CNTN3: variants seen among roughly 807,000 people sequenced by gnomAD.
CNTN3 encodes the protein contactin-3.
A neutral mutation model predicts 119.1 loss-of-function variants in CNTN3; 60 were observed. That is an observed-to-expected ratio of 0.50 (90% CI 0.41 to 0.62). The LOEUF (loss-of-function observed/expected upper bound fraction) is 0.62, where lower values mean the gene tolerates loss of function less well. Among genes scored for constraint, CNTN3 ranks in the 20% least tolerant of loss-of-function variants. CNTN3 has a pLI of 0.00. For synonymous variants in CNTN3, 450 were observed against 438.7 expected, an observed-to-expected ratio of 1.03 and a Z score of -0.32; for missense variants, 1,101 against 1,242.4, an observed-to-expected ratio of 0.89 and a Z score of 1.71.
intron 5 of CNTN3, among the ~76,000 whole-genome samples, chr3:74,405,547 T>C (rs1159077070): frequency 6.6e-6 from 1 of 152,084 alleles, no homozygotes; most frequent in Non-Finnish European, 1.5e-5. Flanking sequence ...ATTATCAATA[T>C]CATTATTCCA....
chr3:74,599,094 C>A (rs1034591862), intron 1 of CNTN3, among the ~76,000 whole-genome samples: 1 of 151,976 alleles, frequency 6.6e-6, no homozygotes, highest in Non-Finnish European at 1.5e-5. Context: ...TTGAGTGATG[C>A]TAAAAATCTG....
At chr3:74,520,310 C>T (rs1406283482) in intron 2 of CNTN3, among the ~76,000 whole-genome samples, 1 of 151,138 alleles carries the variant, frequency 6.6e-6, no homozygotes. Flanking sequence ...ACAATAGCTA[C>T]ATCTCAATAA....
intron 5 of CNTN3, among the ~76,000 whole-genome samples, 191 bp downstream of exon 5, chr3:74,424,654 G>A (rs9820351): frequency 0.036 from 5,438 of 152,214 alleles, 287 homozygotes; most frequent in African/African-American, 0.12. Context: ...TCAATGAGTC[G>A]ATTGTTTAGA....
chr3:74,375,877 C>T (rs528213065), intron 5 of CNTN3, among the ~76,000 whole-genome samples: 43 of 152,244 alleles, frequency 2.8e-4, no homozygotes, highest in African/African-American at 1.0e-3. Flanking sequence ...TAATTTGTTT[C>T]AAGAGCAATA....
chr3:74,586,899 C>A (rs1704602115), intron 1 of CNTN3, among the ~76,000 whole-genome samples: 1 of 151,964 alleles, frequency 6.6e-6, no homozygotes, highest in Admixed American at 6.6e-5. Flanking sequence ...AATTAGGGAA[C>A]ACCGAGGTAT....
At chr3:74,483,218 G>T (rs889474732) in intron 4 of CNTN3, among the ~76,000 whole-genome samples, 1 of 151,982 alleles carries the variant, frequency 6.6e-6, no homozygotes, top group African/African-American at 2.4e-5. Flanking sequence ...GGGACAGACT[G>T]GGGGGAAACC....
intron 13 of CNTN3, among the ~76,000 whole-genome samples, chr3:74,315,648 C>T (rs1224677278): frequency 6.6e-6 from 1 of 152,130 alleles, no homozygotes; most frequent in African/African-American, 2.4e-5. Context: ...AGAAAATCCT[C>T]AAATACTTGG....
rs1703972938 is a variant in CNTN3, at chr3:74,357,775, T to TA, written c.1364+4114dup. Among the ~76,000 whole-genome samples the TA allele has an allele frequency of 3.3e-5, 5 of 152,122 alleles. No individual in the cohort carries two copies. The South Asian group carries it at 1.0e-3, about 32-fold the overall frequency. On this transcript the variant is annotated intron_variant, in intron 11 of 22. Coordinates refer to ENST00000263665, the MANE Select transcript of CNTN3 (RefSeq NM_020872.3). ...CGCCGACAAGTCCAAATTAACCACT[T>TA]AAAAAAACTAAAAAATCAAATACAC...
At chr3:74,587,240 G>A (rs1704609129) in intron 1 of CNTN3, among the ~76,000 whole-genome samples, 1 of 151,936 alleles carries the variant, frequency 6.6e-6, no homozygotes, top group South Asian at 2.1e-4. Context: ...TTCAACATCA[G>A]GGCTTATTTG....
intron 11 of CNTN3, among the ~76,000 whole-genome samples, chr3:74,351,336 A>G (rs975187256): frequency 6.6e-6 from 1 of 152,178 alleles, no homozygotes; most frequent in Non-Finnish European, 1.5e-5. Context: ...AGGGAAACCA[A>G]TCTCTTTAAC....
chr3:74,463,784 T>C (rs989887841), intron 4 of CNTN3, among the ~76,000 whole-genome samples: 8 of 152,136 alleles, frequency 5.3e-5, no homozygotes. Flanking sequence ...TCCTCTCTAA[T>C]GAAATGACGC....
rs1701907969 is a variant in CNTN3, at chr3:74,277,667, A to C, written c.2704+7638T>G. On this transcript the variant is annotated intron_variant, in intron 20 of 22. Coordinates refer to ENST00000263665, the MANE Select transcript of CNTN3 (RefSeq NM_020872.3). ...CAACCCCACAGCCAAATTATACTGA[A>C]TAGGGAAAAGTTGAAAGTATTCCCT... is the stretch of plus-strand genomic sequence containing the variant. 3.9e-5 allele frequency among the ~76,000 whole-genome samples: 6 copies of C among 152,186 alleles called. No homozygotes were observed. The South Asian group carries it at 1.2e-3, about 31-fold the overall frequency.
intron 1 of CNTN3, among the ~76,000 whole-genome samples, chr3:74,586,710 C>A (rs1704598616): frequency 6.6e-6 from 1 of 151,778 alleles, no homozygotes; most frequent in Non-Finnish European, 1.5e-5. Flanking sequence ...TAGAAAGTAC[C>A]CAATACATAC....
chr3:74,585,570 C>T (rs1479150364), intron 1 of CNTN3, among the ~76,000 whole-genome samples: 1 of 151,742 alleles, frequency 6.6e-6, no homozygotes, highest in Non-Finnish European at 1.5e-5. Flanking sequence ...TTTGTTTGAC[C>T]CAAAATATCT....
intron 1 of CNTN3, among the ~76,000 whole-genome samples, chr3:74,557,397 G>A (rs1704086891): frequency 6.6e-6 from 1 of 152,050 alleles, no homozygotes; most frequent in African/African-American, 2.4e-5. Context: ...AAATATGATT[G>A]AAACATCCAC....
At chr3:74,522,474 C>A (rs1169225212) in intron 1 of CNTN3, among the ~76,000 whole-genome samples, 2 of 151,832 alleles carry the variant, frequency 1.3e-5, no homozygotes, top group African/African-American at 4.8e-5. Context: ...GGTTCCACAA[C>A]ACAAATAAGA....
chr3:74,401,416 A>G (rs940472856), intron 5 of CNTN3, among the ~76,000 whole-genome samples: 1 of 152,152 alleles, frequency 6.6e-6, no homozygotes, highest in Non-Finnish European at 1.5e-5. Context: ...TTCAGCTCCA[A>G]GTCACAGGGC....
At chr3:74,269,273 G>C (rs1701721470) in intron 20 of CNTN3, among the ~76,000 whole-genome samples, 1 of 151,628 alleles carries the variant, frequency 6.6e-6, no homozygotes, top group Non-Finnish European at 1.5e-5. Context: ...TTACATTTTT[G>C]GGCACTCTCT....
intron 2 of CNTN3, among the ~76,000 whole-genome samples, chr3:74,518,172 A>G (rs1341573825): frequency 6.6e-6 from 1 of 152,004 alleles, no homozygotes; most frequent in Non-Finnish European, 1.5e-5. Context: ...CTTCTTAGTC[A>G]CCATGCAGCT....
Sources: gnomAD v4.1 joint callset for allele counts (sites outside exome capture counted in the v4.1 genomes callset) on GRCh38, gnomAD v4.1.1 for gene constraint, MANE v1.5 for transcripts, NCBI Gene and HGNC (gene_info 2026-07-23, HGNC 2026-07-21) for gene names.